Variants in POP1 observed in about 807,000 individuals in gnomAD.
POP1 encodes the protein ribonucleases P/MRP protein subunit POP1.
Under a neutral mutation model 102.2 loss-of-function variants are expected in POP1, and 75 were observed. That is an observed-to-expected ratio of 0.73 (90% confidence interval 0.61 to 0.89). The LOEUF (loss-of-function observed/expected upper bound fraction) is 0.89, where lower values mean the gene tolerates loss of function less well. Ranked by LOEUF, POP1 falls within the 40% of genes least tolerant of loss-of-function variation. The pLI is 0.00. For synonymous variants in POP1, 436 were observed against 464.1 expected, an observed-to-expected ratio of 0.94 and a Z score of 0.78; for missense variants, 1,116 against 1,267.4, an observed-to-expected ratio of 0.88 and a Z score of 1.81.
In POP1 at chr8:98,150,535, T is replaced by C; in HGVS notation, c.1953T>C (p.Ser651=). 6.2e-7 allele frequency: 1 copy of C among 1,614,194 alleles called. No individual in the cohort carries two copies. The highest frequency in any genetic ancestry group is 8.5e-7 in the Non-Finnish European group (1 of 1,180,044). Residue 651 remains serine (S), a synonymous_variant, in exon 14 of 16, where the codon TCT becomes TCC. Transcript: ENST00000401707. ...VGGLKESAVH[S]QYKRSPNVPG... is the part of the protein sequence containing the mutation. ...GGTTGAAAGAGTCTGCAGTGCATTC[T>C]CAGTATAAGAGGTCGCCTAATGTCC...
chr8:98,150,084 C>A (rs935872963), intron 13 of POP1, among the ~76,000 whole-genome samples: 5 of 152,156 alleles, frequency 3.3e-5, no homozygotes, highest in African/African-American at 1.2e-4. Flanking sequence ...TACCTCTCTC[C>A]AGTTTCATTT....
At chr8:98,131,649 C>A (rs1477275844) in intron 5 of POP1, among the ~76,000 whole-genome samples, 2 of 126,272 alleles carry the variant, frequency 1.6e-5, no homozygotes, top group Admixed American at 1.6e-4. Flanking sequence ...TATGATAATT[C>A]TATGTTAATT....
At chr8:98,137,857 T>C (rs971615475) in intron 9 of POP1, among the ~76,000 whole-genome samples, 1 of 152,236 alleles carries the variant, frequency 6.6e-6, no homozygotes, top group East Asian at 1.9e-4. Context: ...GAGACTAGAT[T>C]AGGAATCTGC....
intron 4 of POP1, among the ~76,000 whole-genome samples, chr8:98,129,079 C>G (rs765879232): frequency 1.3e-5 from 2 of 152,102 alleles, no homozygotes; most frequent in Non-Finnish European, 2.9e-5. Flanking sequence ...TGATACTCCT[C>G]TCTTGTAAGG....
chr8:98,134,791 A>G (rs1816483576), intron 7 of POP1, 132 bp downstream of exon 7: 2 of 975,100 alleles, frequency 2.1e-6, no homozygotes, highest in Non-Finnish European at 3.1e-6. Context: ...GGGGGGCTCT[A>G]TGATTATTGA....
At chr8:98,138,804 C>T (rs184228217) in intron 9 of POP1, among the ~76,000 whole-genome samples, 1 of 150,902 alleles carries the variant, frequency 6.6e-6, no homozygotes, top group Admixed American at 6.6e-5. Flanking sequence ...CTAAGCTGTG[C>T]TACCTGAGTT....
At chr8:98,139,570 A>T (rs28661810) in intron 9 of POP1, among the ~76,000 whole-genome samples, 1 of 151,864 alleles carries the variant, frequency 6.6e-6, no homozygotes, top group Non-Finnish European at 1.5e-5. Context: ...AAAATAAGTT[A>T]AAAAAAATTA....
rs1563788200 is a variant in POP1, at chr8:98,157,959, G to C, written c.2763G>C (p.Gln921His). The change falls in exon 16 of 16, where the codon CAG (glutamine) becomes CAC (histidine). Residue 921 changes from glutamine to histidine, a missense_variant. Gln to His is a conservative substitution (Grantham distance 24). Coordinates refer to ENST00000401707, the MANE Select transcript of POP1 (RefSeq NM_001145860.2). ...QKEKKKREKR[Q>H]KPGRASSDGP... ...AGAAGAAGAAAAGGGAGAAGAGGCA[G>C]AAGCCAGGACGTGCCTCTTCTGATG... is the stretch of plus-strand genomic sequence containing the variant. The C allele has an allele frequency of 6.2e-7, 1 of 1,613,762 alleles. No individual in the cohort carries two copies. Among genetic ancestry groups the C allele is most frequent in the Non-Finnish European group, 8.5e-7 (1 of 1,180,052 alleles).
Position 98,136,564 on chromosome 8 carries a change from C to T in POP1, c.1094C>T (p.Thr365Ile). 6.2e-7 allele frequency: 1 copy of T among 1,614,080 alleles called. No homozygotes were observed. The highest frequency in any genetic ancestry group is 8.5e-7 in the Non-Finnish European group (1 of 1,179,974). ...GTCTGCATCGCTGACCCACTTCCAA[C>T]ACCATCCCAAGAAAAAAGCCAAACT... is the stretch of plus-strand genomic sequence containing the variant. ...SAVCIADPLPTPSQEKSQTEL... is the reference protein window; with the variant it reads ...SAVCIADPLPIPSQEKSQTEL... Residue 365 changes from threonine (T) to isoleucine (I), a missense_variant, in exon 8 of 16, where the codon ACA (threonine) becomes ATA (isoleucine). Transcript: ENST00000401707.
rs775557595 is a variant in POP1, at chr8:98,134,617, GA to G, written c.970del (p.Ser324AlafsTer17). On this transcript the variant is annotated frameshift_variant, in exon 7 of 16. Transcript: ENST00000401707. LOFTEE classifies it high-confidence loss of function. The stretch of plus-strand genomic sequence containing the variant: ...AGAGGACCCCGGGTGACCCTTCTGA[GA>G]GCAGGCAGCTGTGGATCTGGCTGCA... ...SQRTPGDPSE[S>X]RQLWIWLHPT... 1.2e-6 allele frequency: 2 copies of G among 1,614,132 alleles called. No individual in the cohort carries two copies. The highest frequency in any genetic ancestry group is 1.7e-6 in the Non-Finnish European group (2 of 1,179,972).
At chr8:98,157,278 AACAGTCCCTT>A (rs1809675966) in intron 15 of POP1, among the ~76,000 whole-genome samples, 1 of 152,194 alleles carries the variant, frequency 6.6e-6, no homozygotes, top group South Asian at 2.1e-4. Flanking sequence ...CTTTACATGT[AACAGTCCCTT>A]ACAGTTCCTT....
intron 4 of POP1, among the ~76,000 whole-genome samples, chr8:98,129,185 G>A (rs1174916996): frequency 2.0e-5 from 3 of 152,182 alleles, no homozygotes; most frequent in Admixed American, 6.5e-5. Context: ...GGTGTGCCCA[G>A]CTTGGGGTAG....
chr8:98,142,463 A>C (rs1315461458), intron 11 of POP1, among the ~76,000 whole-genome samples: 1 of 152,216 alleles, frequency 6.6e-6, no homozygotes, highest in Non-Finnish European at 1.5e-5. Context: ...ATTTGAATTA[A>C]ATATTAATAA....
chr8:98,137,848 A>G (rs1816591660), intron 9 of POP1, among the ~76,000 whole-genome samples: 1 of 152,188 alleles, frequency 6.6e-6, no homozygotes, highest in Admixed American at 6.5e-5. Flanking sequence ...GCTAGCATAG[A>G]GACTAGATTA....
intron 1 of POP1, among the ~76,000 whole-genome samples, chr8:98,119,257 A>G (rs1024235815): frequency 6.6e-6 from 1 of 152,370 alleles, no homozygotes; most frequent in Middle Eastern, 3.4e-3. Context: ...CAAATGATTC[A>G]ACTTGTGTAA....
At chr8:98,148,606 C>T (rs959845454) in intron 12 of POP1, among the ~76,000 whole-genome samples, 20 of 152,136 alleles carry the variant, frequency 1.3e-4, no homozygotes, top group South Asian at 2.1e-4. Flanking sequence ...AAGATAATTT[C>T]GAATTTCTAC....
chr8:98,130,035 C>A lies in POP1; in HGVS notation c.544C>A (p.Arg182=), dbSNP rs146339637. 41 of 1,613,794 alleles carry A rather than the reference C, an allele frequency of 2.5e-5. No homozygotes were observed. Among genetic ancestry groups the A allele is most frequent in the Non-Finnish European group, 3.4e-5 (40 of 1,179,904 alleles). The part of the protein sequence containing the change: ...EHSKNKCHKA[R]RCHMNRTLEF... ...TTCAAAAAATAAATGCCATAAAGCT[C>A]GAAGATGTCACATGAACCGGACGCT... The change falls in exon 5 of 16, where the codon CGA becomes AGA. Residue 182 remains arginine (R), a synonymous_variant. Transcript: ENST00000401707.
intron 1 of POP1, 95 bp from the exon 2 acceptor site, chr8:98,123,241 A>T: frequency 1.4e-6 from 2 of 1,426,326 alleles, no homozygotes; most frequent in Non-Finnish European, 9.6e-7. Flanking sequence ...CAATAGACTT[A>T]TTTTGAATCA....
At position 98,138,690 on chromosome 8, in the gene POP1, A is replaced by T. The variant is rs1452532219; in HGVS notation, c.1363-1388A>T. ...GTTTTTCACTCTCTCCCCAGTGCTT[A>T]GCACAATGTCTGGCACAGAGAGGGT... On this transcript the variant is annotated intron_variant, in intron 9 of 15. Transcript: ENST00000401707. 3.3e-5 allele frequency among the ~76,000 whole-genome samples: 5 copies of T among 152,324 alleles called. No homozygotes were observed. In the East Asian group the frequency reaches 9.6e-4, roughly 29 times the overall value.
Sources: gnomAD v4.1 joint callset for allele counts (sites outside exome capture counted in the v4.1 genomes callset) on GRCh38, gnomAD v4.1.1 for gene constraint, MANE v1.5 for transcripts, NCBI Gene and HGNC (gene_info 2026-07-23, HGNC 2026-07-21) for gene names.